The following MROH2B variants were observed in gnomAD, a reference collection of about 807,000 sequenced individuals.
MROH2B encodes maestro heat like repeat family member 2B.
In MROH2B, 177 loss-of-function variants were observed where a neutral mutation model predicts 208.6. The ratio of observed to expected loss-of-function variants is 0.85; its 90% confidence interval spans 0.75 to 0.96. The LOEUF (loss-of-function observed/expected upper bound fraction) is 0.96, where lower values mean the gene tolerates loss of function less well. MROH2B is among the 40% of genes least tolerant of loss of function. MROH2B has a pLI of 0.00. For synonymous variants in MROH2B, 728 were observed against 659.0 expected (o/e 1.10, Z -1.60); for missense variants, 2,002 against 1,878.7 (o/e 1.07, Z -1.21).
chr5:41,041,416 C>T (rs1742943396), intron 19 of MROH2B, among the ~76,000 whole-genome samples: 1 of 152,116 alleles, frequency 6.6e-6, no homozygotes, highest in African/African-American at 2.4e-5. Context: ...CACCTGAGGT[C>T]AGGAGTTCGA....
chr5:41,058,418 T>G (rs919676038), intron 6 of MROH2B, among the ~76,000 whole-genome samples: 1 of 152,202 alleles, frequency 6.6e-6, no homozygotes, highest in African/African-American at 2.4e-5. Context: ...GTATTTATAC[T>G]GATACTCATT....
At chr5:41,011,401 C>A (rs975013667) in intron 30 of MROH2B, among the ~76,000 whole-genome samples, 2 of 152,126 alleles carry the variant, frequency 1.3e-5, no homozygotes, top group Non-Finnish European at 2.9e-5. Flanking sequence ...TTATGCTATA[C>A]ACACAAATAT....
At chr5:41,022,544 C>T (rs62357107) in intron 24 of MROH2B, among the ~76,000 whole-genome samples, 46,228 of 152,062 alleles carry the variant, frequency 0.3, 7,674 homozygotes, top group Non-Finnish European at 0.37. Flanking sequence ...GTAAACAAAA[C>T]GACCGAGAAG....
At chr5:41,028,043 T>C (rs1158375003) in intron 24 of MROH2B, among the ~76,000 whole-genome samples, 2 of 121,210 alleles carry the variant, frequency 1.7e-5, no homozygotes, top group Non-Finnish European at 3.4e-5. Flanking sequence ...CGTCGTGGGG[T>C]GGGGGGATGG....
chr5:41,003,136 C>T (rs1402608835), intron 37 of MROH2B, among the ~76,000 whole-genome samples: 1 of 151,852 alleles, frequency 6.6e-6, no homozygotes, highest in East Asian at 1.9e-4. Context: ...AATTTTTGTA[C>T]TTTTACTACA....
intron 5 of MROH2B, among the ~76,000 whole-genome samples, chr5:41,062,530 A>G (rs945378253): frequency 6.6e-6 from 1 of 152,204 alleles, no homozygotes; most frequent in Non-Finnish European, 1.5e-5. Flanking sequence ...TTAAAAAGAA[A>G]TCTTAGGACT....
intron 9 of MROH2B, among the ~76,000 whole-genome samples, chr5:41,056,675 C>T (rs1026771304): frequency 2.0e-5 from 3 of 147,544 alleles, no homozygotes; most frequent in Non-Finnish European, 4.4e-5. Flanking sequence ...GAGAGAGAGA[C>T]GGAGTGACTG....
rs368359686 is a variant in MROH2B at position 41,014,463 on chromosome 5, C to A, written c.2982+918G>T. On this transcript the variant is annotated intron_variant, in intron 29 of 41. Transcript: ENST00000399564. ...GGGGTAGGGGGGTGCGGAGGGATAGCATTAGGAGATATACCTAATGTTAAA... is the reference window on the plus strand; with the variant it reads ...GGGGTAGGGGGGTGCGGAGGGATAGAATTAGGAGATATACCTAATGTTAAA... Among the ~76,000 whole-genome samples, 11 of 152,090 alleles carry A rather than the reference C, an allele frequency of 7.2e-5. No homozygotes were observed. In the East Asian group the frequency reaches 7.7e-4, roughly 11 times the overall value.
At chr5:41,051,815 C>T (rs1329907953) in intron 12 of MROH2B, among the ~76,000 whole-genome samples, 4 of 152,244 alleles carry the variant, frequency 2.6e-5, no homozygotes, top group Middle Eastern at 3.4e-3. Context: ...TCATTTTATG[C>T]TATTTTCCTT....
At chr5:41,061,825 A>G in intron 5 of MROH2B, 101 bp from the exon 6 acceptor site, 3 of 1,290,200 alleles carry the variant, frequency 2.3e-6, no homozygotes, top group Non-Finnish European at 3.1e-6. Context: ...TAAATATGTA[A>G]TGGTTTTTAG....
Position 41,009,356 on chromosome 5 carries a change from C to A in MROH2B, c.3344G>T (p.Gly1115Val). 6.2e-7 allele frequency: 1 copy of A among 1,613,886 alleles called. No homozygotes were observed. ...GTCTATTAAGGCTTGCAAGAGTTTCCCACTGGAGGCTGGCTTTTCAGCCAG... is the reference window on the plus strand; with the variant it reads ...GTCTATTAAGGCTTGCAAGAGTTTCACACTGGAGGCTGGCTTTTCAGCCAG... ...KALAEKPASS[G>V]KLLQALIDKL... The change falls in exon 32 of 42, where the codon GGG (glycine) becomes GTG (valine). Residue 1115 changes from glycine (G) to valine (V), a missense_variant. By Grantham distance (109) the Gly-to-Val change is moderately radical (BLOSUM62 -3). Coordinates refer to ENST00000399564, the MANE Select transcript of MROH2B (RefSeq NM_173489.5).
At chr5:41,030,556 T>C (rs1742532238) in intron 24 of MROH2B, among the ~76,000 whole-genome samples, 1 of 152,002 alleles carries the variant, frequency 6.6e-6, no homozygotes, top group South Asian at 2.1e-4. Context: ...CCCAAAGCAA[T>C]ATACATATTC....
Position 41,054,828 on chromosome 5 carries a change from C to T in MROH2B, c.1046G>A (p.Arg349Lys), listed in dbSNP as rs774757854. 2.7e-5 allele frequency: 44 copies of T among 1,610,632 alleles called. No homozygotes were observed. The South Asian group carries it at 4.9e-4, about 18-fold the overall frequency. ...TCTTTCTATTGAAATGATGTGATCC[C>T]TCAACCTGGGCTCTGAAAGACAGAG... ...LAVNADEPRL[R>K]DHIISIERTV... Residue 349 changes from arginine (R) to lysine (K), a missense_variant, in exon 11 of 42, where the codon AGG becomes AAG. Transcript: ENST00000399564.
At chr5:41,060,440 T>C (rs1405591841) in intron 6 of MROH2B, among the ~76,000 whole-genome samples, 1 of 152,232 alleles carries the variant, frequency 6.6e-6, no homozygotes, top group African/African-American at 2.4e-5. Context: ...TAAGGCCATC[T>C]TTCTGGTTTC....
chr5:41,014,983 G>A (rs1741893118), intron 29 of MROH2B, among the ~76,000 whole-genome samples: 1 of 152,220 alleles, frequency 6.6e-6, no homozygotes, highest in African/African-American at 2.4e-5. Context: ...GAAGGTAAAT[G>A]AATGCATGAC....
chr5:41,022,921 C>T (rs1383512617), intron 24 of MROH2B, among the ~76,000 whole-genome samples: 2 of 148,764 alleles, frequency 1.3e-5, no homozygotes, highest in African/African-American at 4.8e-5. Flanking sequence ...CTGCTGATAA[C>T]CAGGCAAACA....
chr5:41,054,678 T>G, intron 11 of MROH2B, 89 bp downstream of exon 11: 1 of 946,900 alleles, frequency 1.1e-6, no homozygotes. Context: ...CTTTATAAAA[T>G]AGTCTCATAA....
intron 13 of MROH2B, among the ~76,000 whole-genome samples, chr5:41,050,772 G>A (rs1743260477): frequency 6.6e-6 from 1 of 152,150 alleles, no homozygotes; most frequent in South Asian, 2.1e-4. Context: ...CTATCCAGAT[G>A]TAAGATACTT....
Position 41,047,741 on chromosome 5 carries a change from A to C in MROH2B, c.1708T>G (p.Trp570Gly), listed in dbSNP as rs1049980053. 13 of 1,595,222 alleles carry C rather than the reference A, an allele frequency of 8.1e-6. No homozygotes were observed. Among genetic ancestry groups the C allele is most frequent in the Non-Finnish European group, 1.1e-5 (13 of 1,169,942 alleles). ...LEGKNISTVL[W>G]ETMLLQLLKE... ...CTTACCTGAAGCAGCATGGTTTCCCATAGAACGGTACTGATGTTCTTTCCT... is the reference window on the plus strand; with the variant it reads ...CTTACCTGAAGCAGCATGGTTTCCCCTAGAACGGTACTGATGTTCTTTCCT... Residue 570 changes from tryptophan to glycine, a missense_variant, in exon 17 of 42, where the codon TGG becomes GGG. Trp to Gly is a radical substitution (Grantham distance 184, BLOSUM62 -2). Coordinates refer to ENST00000399564, the MANE Select transcript of MROH2B (RefSeq NM_173489.5).
Sources: allele counts gnomAD v4.1 joint callset (sites outside exome capture counted in the v4.1 genomes callset), GRCh38; gene constraint gnomAD v4.1.1; transcripts MANE v1.5; gene names NCBI Gene and HGNC (gene_info 2026-07-23, HGNC 2026-07-21).